KANK1: variants seen among roughly 807,000 people sequenced by gnomAD.
The protein encoded by KANK1 is KN motif and ankyrin repeat domain-containing protein 1.
In KANK1, 109 loss-of-function variants were observed where a neutral mutation model predicts 106.2. The ratio of observed to expected loss-of-function variants is 1.03; its 90% CI spans 0.88 to 1.20. The LOEUF (loss-of-function observed/expected upper bound fraction) is 1.20, where lower values mean the gene tolerates loss of function less well. Among genes scored for constraint, KANK1 ranks in the 50% most tolerant of loss-of-function variants. The pLI is 0.00. For synonymous variants in KANK1, 873 were observed against 652.2 expected, an observed-to-expected ratio of 1.34 and a Z score of -5.16; for missense variants, 2,399 against 1,710.7, an observed-to-expected ratio of 1.40 and a Z score of -7.10.
At chr9:512,397 T>C (rs1298954730) in intron 1 of KANK1, among the ~76,000 whole-genome samples, 1 of 152,006 alleles carries the variant, frequency 6.6e-6, no homozygotes, top group Non-Finnish European at 1.5e-5. Flanking sequence ...GCTGGAGAAT[T>C]CCCTCCAGCT....
At chr9:486,502 A>G (rs2058295573) in intron 3 of KANK1, among the ~76,000 whole-genome samples, 1 of 152,280 alleles carries the variant, frequency 6.6e-6, no homozygotes, top group African/African-American at 2.4e-5. Flanking sequence ...TTTACAGATG[A>G]GGAAACTGAA....
At chr9:609,238 CATTTT>C (rs895978310) in intron 1 of KANK1, among the ~76,000 whole-genome samples, 1 of 152,116 alleles carries the variant, frequency 6.6e-6, no homozygotes, top group Non-Finnish European at 1.5e-5. Context: ...ATTTAGAAAA[CATTTT>C]ATAAGTTTAT....
intron 1 of KANK1, among the ~76,000 whole-genome samples, chr9:614,017 G>A (rs540832523): frequency 6.6e-6 from 1 of 152,296 alleles, no homozygotes; most frequent in South Asian, 2.1e-4. Flanking sequence ...AGCGCTCCAA[G>A]CATCTCTGGG....
At chr9:489,760 G>T (rs1468202992) in intron 3 of KANK1, among the ~76,000 whole-genome samples, 1 of 152,080 alleles carries the variant, frequency 6.6e-6, no homozygotes. Flanking sequence ...TGCTCCACGG[G>T]GTTTGAAGAA....
rs182808768 is a variant in KANK1, at chr9:672,570, C to G, written c.-83-4320C>G. 3.1e-3 allele frequency among the ~76,000 whole-genome samples: 479 copies of G among 152,268 alleles called. 1 individual carries two copies. The highest frequency in any genetic ancestry group is 0.011 in the African/African-American group (468 of 41,534). On this transcript the variant is annotated intron_variant, in intron 1 of 11. Transcript: ENST00000382297. ...CCATCAATATTATCATCAGCATTATCTTGTTTCTAACTGAGATAGTGGCAT... is the reference window on the plus strand; with the variant it reads ...CCATCAATATTATCATCAGCATTATGTTGTTTCTAACTGAGATAGTGGCAT...
chr9:657,332 A>T (rs563928302), intron 1 of KANK1, among the ~76,000 whole-genome samples: 1 of 152,284 alleles, frequency 6.6e-6, no homozygotes, highest in East Asian at 1.9e-4. Flanking sequence ...TGTAGTGAAC[A>T]TGGGGATGCA....
intron 1 of KANK1, among the ~76,000 whole-genome samples, chr9:646,378 A>G (rs1018825901): frequency 6.6e-6 from 1 of 150,880 alleles, no homozygotes; most frequent in Admixed American, 6.6e-5. Flanking sequence ...AATAAATTGT[A>G]GTAAAAATGT....
chr9:662,129 G>T (rs1381995902), intron 1 of KANK1, among the ~76,000 whole-genome samples: 1 of 152,036 alleles, frequency 6.6e-6, no homozygotes, highest in Non-Finnish European at 1.5e-5. Flanking sequence ...GGGATGTGAA[G>T]GACCTCTTCA....
intron 1 of KANK1, among the ~76,000 whole-genome samples, chr9:664,201 A>C (rs1421993847): frequency 6.6e-6 from 1 of 152,082 alleles, no homozygotes; most frequent in Non-Finnish European, 1.5e-5. Context: ...GTACCCATTA[A>C]TCTACTGCTC....
intron 1 of KANK1, among the ~76,000 whole-genome samples, chr9:524,272 T>C (rs1249655164): frequency 6.6e-6 from 1 of 151,716 alleles, no homozygotes; most frequent in African/African-American, 2.4e-5. Context: ...CCCCAGCCTT[T>C]ACTTGATTAA....
rs1037411615 is a variant in KANK1, at chr9:734,900, G to T, written c.3333+65G>T. The T allele has an allele frequency of 3.3e-6, 4 of 1,202,380 alleles. No individual in the cohort carries two copies. In the African/African-American group the frequency reaches 6.0e-5, roughly 18 times the overall value. 74.5% of individuals were successfully genotyped at this position (1,202,380 alleles called of 1,614,324 possible). ...AGTGCATGAGTGGGTTCATTGTCAA[G>T]GCCAGCTGTAGGCTGCCCGAGCTGT... On this transcript the variant is annotated intron_variant, in intron 7 of 11. Coordinates refer to ENST00000382297, the MANE Select transcript of KANK1 (RefSeq NM_015158.5).
At chr9:717,461 C>G (rs980557794) in intron 3 of KANK1, among the ~76,000 whole-genome samples, 3 of 152,150 alleles carry the variant, frequency 2.0e-5, no homozygotes, top group Admixed American at 6.5e-5. Context: ...TTGAATCATA[C>G]ATAGTCCGCC....
rs183608953 is a variant in KANK1 at position 515,860 on chromosome 9, T to A, written c.-84+11106T>A. Among the ~76,000 whole-genome samples the A allele has an allele frequency of 2.5e-4, 38 of 151,958 alleles. 1 individual carries two copies. Among genetic ancestry groups the A allele is most frequent in the African/African-American group, 8.7e-4 (36 of 41,208 alleles). ...TTCTTAGCAAATGAAATGCATAGTT[T>A]CAAGGAAACCTCACGTGTGGTTTGA... On this transcript the variant is annotated intron_variant, in intron 1 of 11. Coordinates refer to ENST00000382297, the MANE Select transcript of KANK1 (RefSeq NM_015158.5).
intron 1 of KANK1, among the ~76,000 whole-genome samples, chr9:510,985 C>A (rs974035603): frequency 4.6e-5 from 7 of 152,114 alleles, no homozygotes; most frequent in African/African-American, 1.4e-4. Context: ...GTGCAAGGCC[C>A]TGGTGGGGGA....
chr9:723,104 C>G (rs1211968329), intron 3 of KANK1, among the ~76,000 whole-genome samples: 3 of 152,028 alleles, frequency 2.0e-5, no homozygotes, highest in Non-Finnish European at 2.9e-5. Flanking sequence ...GATCTAATTA[C>G]TCCCTACTCA....
intron 3 of KANK1, among the ~76,000 whole-genome samples, chr9:725,996 G>C (rs1830542870): frequency 6.6e-6 from 1 of 152,136 alleles, no homozygotes; most frequent in Non-Finnish European, 1.5e-5. Context: ...AGTTATAGTA[G>C]CCTGTGACTC....
intron 3 of KANK1, among the ~76,000 whole-genome samples, chr9:729,821 A>G (rs1269377763): frequency 6.6e-6 from 1 of 152,220 alleles, no homozygotes; most frequent in African/African-American, 2.4e-5. Flanking sequence ...CTATGACGGT[A>G]GCAGCCAAAA....
At chr9:628,402 C>T (rs1158190469) in intron 1 of KANK1, among the ~76,000 whole-genome samples, 1 of 147,690 alleles carries the variant, frequency 6.8e-6, no homozygotes. Flanking sequence ...AATGGGCCTC[C>T]CAGTAGGGGG....
intron 1 of KANK1, among the ~76,000 whole-genome samples, chr9:524,907 G>C: frequency 6.6e-6 from 1 of 150,932 alleles, no homozygotes; most frequent in Non-Finnish European, 1.5e-5. Flanking sequence ...CATTTATACA[G>C]GTATTAACAT....
Sources: allele counts gnomAD v4.1 joint callset (sites outside exome capture counted in the v4.1 genomes callset), GRCh38; gene constraint gnomAD v4.1.1; transcripts MANE v1.5; gene names NCBI Gene and HGNC (gene_info 2026-07-23, HGNC 2026-07-21).